Variants in IGF1R observed in about 807,000 individuals in gnomAD.
IGF1R encodes insulin like growth factor 1 receptor.
IGF1R carries 44 observed loss-of-function variants against 144.6 expected under a neutral mutation model. The ratio of observed to expected loss-of-function variants is 0.30; its 90% CI spans 0.24 to 0.39. The LOEUF (loss-of-function observed/expected upper bound fraction) is 0.39. Ranked by LOEUF, IGF1R falls within the 10% of genes least tolerant of loss-of-function variation. The pLI is 1.00. For synonymous variants in IGF1R, 795 were observed against 722.8 expected (o/e 1.10, Z -1.60); for missense variants, 1,355 against 1,833.7 (o/e 0.74, Z 4.77).
chr15:98,926,707 A>C (rs527984707), intron 13 of IGF1R, among the ~76,000 whole-genome samples: 1 of 152,236 alleles, frequency 6.6e-6, no homozygotes, highest in African/African-American at 2.4e-5. Flanking sequence ...GGTGAATAGA[A>C]CTGCAAATCT....
At chr15:98,875,898 C>G (rs929572464) in intron 2 of IGF1R, among the ~76,000 whole-genome samples, 1 of 152,168 alleles carries the variant, frequency 6.6e-6, no homozygotes, top group Non-Finnish European at 1.5e-5. Flanking sequence ...TGACAGGCCT[C>G]ATACGCATCA....
intron 2 of IGF1R, among the ~76,000 whole-genome samples, chr15:98,785,288 T>C (rs1317231496): frequency 6.6e-6 from 1 of 152,226 alleles, no homozygotes; most frequent in Non-Finnish European, 1.5e-5. Context: ...CAAGAACTAA[T>C]TGTACACAGT....
chr15:98,887,962 T>G (rs559850875), intron 2 of IGF1R, among the ~76,000 whole-genome samples: 4 of 152,246 alleles, frequency 2.6e-5, no homozygotes, highest in Non-Finnish European at 5.9e-5. Flanking sequence ...GGACAGGCCT[T>G]CAGTGCCTCC....
In IGF1R at chr15:98,962,023, A is replaced by C. The variant is rs1186280110; in HGVS notation, c.*4581A>C. ...TGAGCCAACTATTCTCTGGCACCAG[A>C]TTCTAGGCCAGTTTGTTCCACTGAA... is the stretch of plus-strand genomic sequence containing the variant. On this transcript the variant is annotated 3_prime_UTR_variant, in exon 21 of 21. Transcript: ENST00000650285. The C allele has an allele frequency of 2.6e-5, 6 of 233,206 alleles. No individual in the cohort carries two copies. Among genetic ancestry groups the C allele is most frequent in the African/African-American group, 8.8e-5 (4 of 45,354 alleles). The allele number at this position is 233,206 out of a possible 1,614,324, so 14.4% of individuals were successfully genotyped here.
At chr15:98,654,912 A>G (rs1443654500) in intron 1 of IGF1R, among the ~76,000 whole-genome samples, 2 of 152,228 alleles carry the variant, frequency 1.3e-5, no homozygotes, top group African/African-American at 2.4e-5. Context: ...GGTGTTTGGC[A>G]TCAGCTTAGC....
chr15:98,787,316 G>A (rs1187077867), intron 2 of IGF1R, among the ~76,000 whole-genome samples: 2 of 152,180 alleles, frequency 1.3e-5, no homozygotes, highest in Admixed American at 1.3e-4. Context: ...GATAGAAAGT[G>A]CCCCCATAGC....
chr15:98,805,895 A>G (rs1344575685), intron 2 of IGF1R, among the ~76,000 whole-genome samples: 1 of 152,140 alleles, frequency 6.6e-6, no homozygotes, highest in Non-Finnish European at 1.5e-5. Context: ...AATTCAGTGC[A>G]GTTCTGACAC....
intron 2 of IGF1R, among the ~76,000 whole-genome samples, chr15:98,763,457 T>TG (rs1367446109): frequency 3.4e-5 from 5 of 148,592 alleles, no homozygotes; most frequent in African/African-American, 1.2e-4. Context: ...CTGGGACTCC[T>TG]GATTTTTTTT....
intron 2 of IGF1R, among the ~76,000 whole-genome samples, chr15:98,755,716 T>TGCA (rs1425155544): frequency 0.014 from 667 of 48,444 alleles, 7 homozygotes; most frequent in East Asian, 0.048. Context: ...AAAACTCCAT[T>TGCA]GCAAAAAAAA....
intron 2 of IGF1R, among the ~76,000 whole-genome samples, chr15:98,884,412 C>T (rs1270977566): frequency 1.3e-5 from 2 of 152,250 alleles, no homozygotes; most frequent in South Asian, 2.1e-4. Context: ...GTTCTGTACC[C>T]GGCCAGGCCT....
At chr15:98,699,168 G>C (rs1338816086) in intron 1 of IGF1R, among the ~76,000 whole-genome samples, 1 of 152,256 alleles carries the variant, frequency 6.6e-6, no homozygotes, top group East Asian at 1.9e-4. Flanking sequence ...CAGCTTGGCT[G>C]TACCTCACAG....
chr15:98,680,102 T>A (rs1294375898), intron 1 of IGF1R, among the ~76,000 whole-genome samples: 5 of 152,180 alleles, frequency 3.3e-5, no homozygotes. Flanking sequence ...AAGAAATTTT[T>A]AAATAAATTT....
intron 2 of IGF1R, among the ~76,000 whole-genome samples, chr15:98,778,485 C>T (rs1233758854): frequency 6.6e-6 from 1 of 152,186 alleles, no homozygotes; most frequent in African/African-American, 2.4e-5. Context: ...TTTCATTAGC[C>T]AAATGGTGCA....
At chr15:98,812,916 A>G (rs973819036) in intron 2 of IGF1R, among the ~76,000 whole-genome samples, 1 of 152,156 alleles carries the variant, frequency 6.6e-6, no homozygotes, top group African/African-American at 2.4e-5. Context: ...ACCAGAGACC[A>G]TCGTTATCAT....
At chr15:98,731,706 C>A (rs2054501053) in intron 2 of IGF1R, among the ~76,000 whole-genome samples, 1 of 152,172 alleles carries the variant, frequency 6.6e-6, no homozygotes, top group Non-Finnish European at 1.5e-5. Context: ...GCTACTGAAC[C>A]CCAGGGTCAT....
chr15:98,932,140 A>G (rs949329874), intron 15 of IGF1R, among the ~76,000 whole-genome samples: 3 of 152,196 alleles, frequency 2.0e-5, no homozygotes, highest in African/African-American at 7.2e-5. Context: ...TTGAATTCAC[A>G]TTTTGTGTCC....
intron 2 of IGF1R, among the ~76,000 whole-genome samples, chr15:98,839,724 A>C (rs1256485703): frequency 6.6e-6 from 1 of 152,206 alleles, no homozygotes; most frequent in Non-Finnish European, 1.5e-5. Flanking sequence ...GAGGGCATCC[A>C]GAAGGAATCT....
chr15:98,847,919 T>A (rs948145033), intron 2 of IGF1R, among the ~76,000 whole-genome samples: 2 of 152,204 alleles, frequency 1.3e-5, no homozygotes, highest in Non-Finnish European at 1.5e-5. Flanking sequence ...ACAGACACTC[T>A]GCCAGCCCTC....
chr15:98,654,756 A>G (rs984531202), intron 1 of IGF1R, among the ~76,000 whole-genome samples: 9 of 152,128 alleles, frequency 5.9e-5, no homozygotes, highest in African/African-American at 1.4e-4. Flanking sequence ...GCTCTTCTCA[A>G]TTGTACTAAA....
Sources: allele counts gnomAD v4.1 joint callset (sites outside exome capture counted in the v4.1 genomes callset), GRCh38; gene constraint gnomAD v4.1.1; transcripts MANE v1.5; gene names NCBI Gene and HGNC (gene_info 2026-07-23, HGNC 2026-07-21).